Variants in ZNF536 observed in about 807,000 individuals in gnomAD.
ZNF536 encodes the protein zinc finger protein 536.
ZNF536 carries 13 observed loss-of-function variants against 84.5 expected under a neutral mutation model. The ratio of observed to expected loss-of-function variants is 0.15; its 90% CI spans 0.10 to 0.24. ZNF536 has a LOEUF of 0.24. Among genes scored for constraint, ZNF536 ranks in the 10% least tolerant of loss-of-function variants. The pLI is 1.00. For missense variants in ZNF536, 1,536 were observed against 1,747.5 expected (o/e 0.88, Z 2.16); for synonymous variants, 811 against 742.5 (o/e 1.09, Z -1.50).
At chr19:30,320,721 G>A (rs562987130) in intron 2 of ZNF536, among the ~76,000 whole-genome samples, 1 of 152,218 alleles carries the variant, frequency 6.6e-6, no homozygotes, top group South Asian at 2.1e-4. Flanking sequence ...TCCCCTCCCC[G>A]ACCTGGATTA....
intron 1 of ZNF536, among the ~76,000 whole-genome samples, chr19:30,603,372 C>G (rs1803605573): frequency 6.6e-6 from 1 of 152,204 alleles, no homozygotes; most frequent in East Asian, 1.9e-4. Flanking sequence ...TGGTACCTGG[C>G]TTATATTTTC....
At chr19:30,708,102 C>T (rs1299860478) in intron 1 of ZNF536, among the ~76,000 whole-genome samples, 1 of 152,034 alleles carries the variant, frequency 6.6e-6, no homozygotes, top group Non-Finnish European at 1.5e-5. Flanking sequence ...TGACTACCTG[C>T]TTTGTGCCAG....
At chr19:30,631,856 G>A (rs535769553) in intron 1 of ZNF536, among the ~76,000 whole-genome samples, 60 of 152,310 alleles carry the variant, frequency 3.9e-4, no homozygotes, top group African/African-American at 1.4e-3. Flanking sequence ...ATTAATATGG[G>A]GGAGTTTTCA....
intron 2 of ZNF536, among the ~76,000 whole-genome samples, chr19:30,342,057 A>G (rs930842325): frequency 6.6e-6 from 1 of 152,240 alleles, no homozygotes; most frequent in Non-Finnish European, 1.5e-5. Context: ...TTTAAAGTCA[A>G]AACTCCTCTT....
At chr19:30,585,348 C>CA (rs2047059646) in intron 1 of ZNF536, among the ~76,000 whole-genome samples, 2 of 152,006 alleles carry the variant, frequency 1.3e-5, no homozygotes, top group South Asian at 4.2e-4. Flanking sequence ...AGTAGATTCT[C>CA]AAAATATTGT....
At chr19:30,389,763 G>A (rs2049503045) in intron 1 of ZNF536, among the ~76,000 whole-genome samples, 1 of 152,150 alleles carries the variant, frequency 6.6e-6, no homozygotes, top group Non-Finnish European at 1.5e-5. Context: ...CCGCCTAATA[G>A]CATCCTGCTG....
At chr19:30,282,405 G>A (rs943932647) in intron 1 of ZNF536, among the ~76,000 whole-genome samples, 20 of 130,172 alleles carry the variant, frequency 1.5e-4, no homozygotes, top group South Asian at 9.2e-4. Context: ...TCACTGCCCC[G>A]GTGCCAACTG....
At chr19:30,539,200 T>G (rs926789371) in intron 3 of ZNF536, among the ~76,000 whole-genome samples, 4 of 151,956 alleles carry the variant, frequency 2.6e-5, no homozygotes, top group African/African-American at 7.3e-5. Flanking sequence ...AGTCCTAAGA[T>G]CCAAGATCTG....
At chr19:30,441,429 C>A (rs1231446231) in intron 1 of ZNF536, among the ~76,000 whole-genome samples, 2 of 152,222 alleles carry the variant, frequency 1.3e-5, no homozygotes, top group African/African-American at 4.8e-5. Flanking sequence ...GAGCCTCCAG[C>A]AACCTCTGTA....
chr19:30,630,222 C>G (rs1243389327), intron 1 of ZNF536, among the ~76,000 whole-genome samples: 3 of 152,200 alleles, frequency 2.0e-5, no homozygotes, highest in Admixed American at 6.5e-5. Flanking sequence ...CTCATTCGTT[C>G]ATTTATTCAT....
intron 2 of ZNF536, among the ~76,000 whole-genome samples, chr19:30,300,258 G>A (rs980669505): frequency 3.9e-5 from 6 of 152,116 alleles, no homozygotes; most frequent in Admixed American, 3.9e-4. Flanking sequence ...TGTTGAACAG[G>A]AATCTTACAT....
At chr19:30,524,624 T>A (rs2044499569) in intron 2 of ZNF536, among the ~76,000 whole-genome samples, 1 of 152,188 alleles carries the variant, frequency 6.6e-6, no homozygotes. Context: ...AAATACATTT[T>A]AAAAAAGATT....
chr19:30,641,440 T>C (rs1688942434), intron 1 of ZNF536, among the ~76,000 whole-genome samples: 1 of 152,234 alleles, frequency 6.6e-6, no homozygotes, highest in Admixed American at 6.5e-5. Context: ...ATGTAATATA[T>C]ATGTGTAGTA....
intron 1 of ZNF536, among the ~76,000 whole-genome samples, chr19:30,704,904 G>A (rs533909284): frequency 1.7e-4 from 26 of 149,862 alleles, no homozygotes; most frequent in Non-Finnish European, 2.5e-4. Flanking sequence ...CCACAGGGAC[G>A]TATTCAGCAG....
intron 1 of ZNF536, among the ~76,000 whole-genome samples, chr19:30,382,553 G>A (rs1410684634): frequency 6.8e-6 from 1 of 146,170 alleles, no homozygotes; most frequent in East Asian, 1.9e-4. Flanking sequence ...TTTGGTGGAT[G>A]GGATGTGGGC....
chr19:30,458,845 C>T (rs977464726), intron 2 of ZNF536, among the ~76,000 whole-genome samples: 2 of 152,198 alleles, frequency 1.3e-5, no homozygotes, highest in African/African-American at 4.8e-5. Context: ...TCTTCTATCT[C>T]ATTTCCCGTG....
At chr19:30,293,925 T>C (rs1336060666) in intron 2 of ZNF536, among the ~76,000 whole-genome samples, 1 of 152,186 alleles carries the variant, frequency 6.6e-6, no homozygotes, top group East Asian at 1.9e-4. Context: ...CCCATACATT[T>C]TGGAAATAGG....
chr19:30,334,636 T>TGATCA, intron 2 of ZNF536, among the ~76,000 whole-genome samples: 1 of 152,320 alleles, frequency 6.6e-6, no homozygotes, highest in South Asian at 2.1e-4. Flanking sequence ...ATAAGGACTG[T>TGATCA]GATCATGCTG....
intron 2 of ZNF536, among the ~76,000 whole-genome samples, chr19:30,331,600 T>G (rs887539504): frequency 6.6e-6 from 1 of 152,134 alleles, no homozygotes; most frequent in African/African-American, 2.4e-5. Context: ...CAGGCTGGAC[T>G]TTGCTTCCTT....
Sources: gnomAD v4.1 joint callset for allele counts (sites outside exome capture counted in the v4.1 genomes callset) on GRCh38, gnomAD v4.1.1 for gene constraint, MANE v1.5 for transcripts, NCBI Gene and HGNC (gene_info 2026-07-23, HGNC 2026-07-21) for gene names.